Variants in SLC44A1 observed in about 807,000 individuals in gnomAD.
SLC44A1 encodes choline transporter-like protein 1.
SLC44A1 carries 26 observed loss-of-function variants against 79.3 expected under a neutral mutation model. That is an observed-to-expected ratio of 0.33 (90% CI 0.24 to 0.46). The LOEUF is 0.46. Ranked by LOEUF, SLC44A1 falls within the 20% of genes least tolerant of loss-of-function variation. The pLI is 1.00. For synonymous variants in SLC44A1, 263 were observed against 286.2 expected, an observed-to-expected ratio of 0.92 and a Z score of 0.82; for missense variants, 688 against 798.1, an observed-to-expected ratio of 0.86 and a Z score of 1.66.
intron 3 of SLC44A1, among the ~76,000 whole-genome samples, chr9:105,317,753 T>C (rs1564433639): frequency 1.3e-5 from 2 of 152,184 alleles, no homozygotes; most frequent in Non-Finnish European, 2.9e-5. Context: ...GACTCTATCT[T>C]GTGGAGTTGT....
At chr9:105,293,646 T>G (rs1034689198) in intron 1 of SLC44A1, among the ~76,000 whole-genome samples, 4 of 152,246 alleles carry the variant, frequency 2.6e-5, no homozygotes, top group Non-Finnish European at 4.4e-5. Context: ...ATATCACTGT[T>G]GATCCCTCCA....
At chr9:105,409,344 T>G (rs1434718139) in intron 15 of SLC44A1, among the ~76,000 whole-genome samples, 2 of 152,226 alleles carry the variant, frequency 1.3e-5, no homozygotes, top group Non-Finnish European at 2.9e-5. Flanking sequence ...AGAGAGGACA[T>G]TTTATAGTCA....
chr9:105,328,740 A>G (rs1360063160), intron 3 of SLC44A1, among the ~76,000 whole-genome samples: 1 of 152,154 alleles, frequency 6.6e-6, no homozygotes, highest in Admixed American at 6.5e-5. Flanking sequence ...GCTGTTTAGA[A>G]TTCAATTGTC....
intron 15 of SLC44A1, among the ~76,000 whole-genome samples, chr9:105,408,947 T>C (rs1032933321): frequency 6.6e-6 from 1 of 151,966 alleles, no homozygotes; most frequent in Non-Finnish European, 1.5e-5. Context: ...CAAGGTAACA[T>C]TAACAAAATA....
chr9:105,339,016 C>T (rs551925314), intron 4 of SLC44A1, among the ~76,000 whole-genome samples: 6 of 152,248 alleles, frequency 3.9e-5, no homozygotes, highest in East Asian at 1.9e-4. Context: ...CAGAAAGCTG[C>T]GTGGCATTGC....
intron 12 of SLC44A1, among the ~76,000 whole-genome samples, chr9:105,372,390 G>A (rs1828130853): frequency 2.6e-5 from 4 of 152,020 alleles, no homozygotes; most frequent in Middle Eastern, 3.4e-3. Context: ...CCTGGTTCAC[G>A]CAATTCTCCT....
At chr9:105,420,444 C>G (rs1042599285) in intron 15 of SLC44A1, among the ~76,000 whole-genome samples, 1 of 152,160 alleles carries the variant, frequency 6.6e-6, no homozygotes, top group African/African-American at 2.4e-5. Context: ...GGGAGAGTTA[C>G]AAAGACTCTT....
chr9:105,285,461 T>A (rs1310237459), intron 1 of SLC44A1, among the ~76,000 whole-genome samples: 2 of 152,102 alleles, frequency 1.3e-5, no homozygotes, highest in African/African-American at 4.8e-5. Context: ...TAAAAAAAAA[T>A]AATTTACCCA....
At position 105,322,737 on chromosome 9, in the gene SLC44A1, G is replaced by C. The variant is rs78108413; in HGVS notation, c.270-12826G>C. 2.6e-4 allele frequency among the ~76,000 whole-genome samples: 40 copies of C among 152,172 alleles called. No homozygotes were observed. In the East Asian group the frequency reaches 7.5e-3, roughly 29 times the overall value. ...GATACTGTGAAGAAAGCTACATTTA[G>C]ATCTACTTTAATCTCATACCATGCA... On this transcript the variant is annotated intron_variant, in intron 3 of 15. Transcript: ENST00000374720.
chr9:105,362,815 A>G lies in SLC44A1; in HGVS notation c.901-6A>G, dbSNP rs953054559. The G allele has an allele frequency of 2.5e-6, 4 of 1,581,550 alleles. No homozygotes were observed. Among genetic ancestry groups the G allele is most frequent in the African/African-American group, 1.4e-5 (1 of 73,236 alleles). On this transcript the variant is annotated splice_polypyrimidine_tract_variant and splice_region_variant and intron_variant, in intron 8 of 15. Transcript: ENST00000374720. ...AATAATAACTGAAACCATTCTCTCC[A>G]TACAGGTGATCTTATTCCTGATAAT...
At chr9:105,285,833 AG>A (rs1409165658) in intron 1 of SLC44A1, among the ~76,000 whole-genome samples, 1 of 152,226 alleles carries the variant, frequency 6.6e-6, no homozygotes, top group Non-Finnish European at 1.5e-5. Flanking sequence ...CAGTTGCTTC[AG>A]GTGATCTGGA....
rs544316012 is a variant in SLC44A1 at position 105,429,614 on chromosome 9, C to T, written c.1951-8667C>T. On this transcript the variant is annotated intron_variant, in intron 15 of 15. Coordinates refer to the SLC44A1 transcript ENST00000374724. ...CACAACACCTGGCCCTTCTGTATTA[C>T]CTTAATTTTTGACAGTAATTATGCC... Among the ~76,000 whole-genome samples the T allele has an allele frequency of 2.0e-5, 3 of 152,184 alleles. No homozygotes were observed. The East Asian group carries it at 5.8e-4, about 29-fold the overall frequency.
At chr9:105,332,695 G>A (rs533245652) in intron 3 of SLC44A1, among the ~76,000 whole-genome samples, 1 of 152,246 alleles carries the variant, frequency 6.6e-6, no homozygotes, top group South Asian at 2.1e-4. Context: ...CTTACCCTTA[G>A]TCATGAATAC....
At chr9:105,401,754 G>A (rs1203222653), downstream of SLC44A1, among the ~76,000 whole-genome samples, 4 of 152,286 alleles carry the variant, frequency 2.6e-5, no homozygotes, top group African/African-American at 9.6e-5. Context: ...TCACAGCAGC[G>A]TGCTAAATGT....
rs1318275416 is a variant in SLC44A1 at position 105,261,455 on chromosome 9, A to T, written c.36+16551A>T. 1.3e-5 allele frequency among the ~76,000 whole-genome samples: 2 copies of T among 152,154 alleles called. 1 individual carries two copies. Among genetic ancestry groups the T allele is most frequent in the Admixed American group, 1.3e-4 (2 of 15,272 alleles). On this transcript the variant is annotated intron_variant, in intron 1 of 15. Coordinates refer to ENST00000374720, the MANE Select transcript of SLC44A1 (RefSeq NM_080546.5). Reference sequence around the variant, plus strand: ...CTCCAGTCTTAAGTATTTTGTTCAGAGTGTGACCTGGAAGATGACAAGCAG... The same window carrying T: ...CTCCAGTCTTAAGTATTTTGTTCAGTGTGTGACCTGGAAGATGACAAGCAG...
rs1451092168 is a variant in SLC44A1 at position 105,280,222 on chromosome 9, CTG to C, written c.37-18994_37-18993del. On this transcript the variant is annotated intron_variant, in intron 1 of 15. Coordinates refer to ENST00000374720, the MANE Select transcript of SLC44A1 (RefSeq NM_080546.5). Reference sequence around the variant, plus strand: ...CAAAATTAAAAAATAGTGGTCAACACTGTGTTGCAGTTTAGCAATAATGGTCA... The same window carrying C: ...CAAAATTAAAAAATAGTGGTCAACACTGTTGCAGTTTAGCAATAATGGTCA... 2.0e-5 allele frequency among the ~76,000 whole-genome samples: 3 copies of C among 152,186 alleles called. No individual in the cohort carries two copies. The East Asian group carries it at 5.8e-4, about 29-fold the overall frequency.
rs576405594 is a variant in SLC44A1 at position 105,389,381 on chromosome 9, A to T, written c.*325A>T. Reference sequence around the variant, plus strand: ...ATCTGATTAACATTTTTAATAACTTAGAGGAGATTTTAACTTTATTTAAAA... The same window carrying T: ...ATCTGATTAACATTTTTAATAACTTTGAGGAGATTTTAACTTTATTTAAAA... On this transcript the variant is annotated 3_prime_UTR_variant, in exon 16 of 16. Coordinates refer to ENST00000374720, the MANE Select transcript of SLC44A1 (RefSeq NM_080546.5). 9.3e-7 allele frequency: 1 copy of T among 1,070,126 alleles called. No homozygotes were observed. Among genetic ancestry groups the T allele is most frequent in the East Asian group, 6.3e-5 (1 of 15,942 alleles). The allele number at this position is 1,070,126 out of a possible 1,614,324, so 66.3% of individuals were successfully genotyped here.
chr9:105,414,150 C>T (rs1829136747), intron 15 of SLC44A1, among the ~76,000 whole-genome samples: 1 of 151,562 alleles, frequency 6.6e-6, no homozygotes, highest in Admixed American at 6.6e-5. Flanking sequence ...GCAACCTCTG[C>T]CTCCCGGGTT....
At chr9:105,324,796 A>C (rs904296797) in intron 3 of SLC44A1, among the ~76,000 whole-genome samples, 2 of 152,192 alleles carry the variant, frequency 1.3e-5, no homozygotes, top group Non-Finnish European at 2.9e-5. Context: ...AAATCAAAAC[A>C]ACAATAAGTT....
Sources: allele counts gnomAD v4.1 joint callset (sites outside exome capture counted in the v4.1 genomes callset), GRCh38; gene constraint gnomAD v4.1.1; transcripts MANE v1.5; gene names NCBI Gene and HGNC (gene_info 2026-07-23, HGNC 2026-07-21).